CPNE8: variants seen among roughly 807,000 people sequenced by gnomAD.
The protein encoded by CPNE8 is copine-8.
A neutral mutation model predicts 81.5 loss-of-function variants in CPNE8; 45 were observed. The ratio of observed to expected loss-of-function variants is 0.55; its 90% CI spans 0.44 to 0.71. CPNE8 has a LOEUF of 0.71. CPNE8 is among the 30% of genes least tolerant of loss of function. The probability of loss-of-function intolerance (pLI) is 0.00; values close to 1 mark genes in which losing one functional copy is unlikely to be tolerated. For missense variants in CPNE8, 594 were observed against 672.1 expected (o/e 0.88, Z 1.28); for synonymous variants, 252 against 226.3 (o/e 1.11, Z -1.02).
At chr12:38,754,436 A>G (rs563521422) in intron 10 of CPNE8, among the ~76,000 whole-genome samples, 1 of 152,260 alleles carries the variant, frequency 6.6e-6, no homozygotes, top group East Asian at 1.9e-4. Context: ...TTAAAAAAAC[A>G]CATTAAATAA....
intron 6 of CPNE8, among the ~76,000 whole-genome samples, chr12:38,806,698 AG>A (rs1323346006): frequency 7.1e-6 from 1 of 140,294 alleles, no homozygotes; most frequent in Non-Finnish European, 1.6e-5. Flanking sequence ...GGCACAAGAC[AG>A]GGATGCCCTC....
chr12:38,797,474 C>T (rs1019812575), intron 6 of CPNE8, among the ~76,000 whole-genome samples: 13 of 152,182 alleles, frequency 8.5e-5, no homozygotes, highest in African/African-American at 2.2e-4. Flanking sequence ...TCCAACAGAC[C>T]TGCAGCTGAG....
At chr12:38,722,696 G>A (rs1479860168) in intron 13 of CPNE8, among the ~76,000 whole-genome samples, 2 of 152,210 alleles carry the variant, frequency 1.3e-5, no homozygotes, top group African/African-American at 4.8e-5. Flanking sequence ...AATAGAATGT[G>A]TAGACATTTT....
At chr12:38,689,094 T>A (rs1048609336) in intron 15 of CPNE8, among the ~76,000 whole-genome samples, 11 of 152,326 alleles carry the variant, frequency 7.2e-5, no homozygotes, top group Admixed American at 1.3e-4. Flanking sequence ...CAGGATTTTT[T>A]AAAAAATAAG....
chr12:38,829,922 C>G (rs1016153693), intron 5 of CPNE8, among the ~76,000 whole-genome samples: 1 of 152,150 alleles, frequency 6.6e-6, no homozygotes, highest in African/African-American at 2.4e-5. Flanking sequence ...GGTGTCTATT[C>G]TAGTACTACC....
intron 1 of CPNE8, among the ~76,000 whole-genome samples, chr12:38,878,490 C>A (rs1944099422): frequency 6.6e-6 from 1 of 152,246 alleles, no homozygotes; most frequent in African/African-American, 2.4e-5. Context: ...TTGAGAACAG[C>A]CTGCCTTCTC....
chr12:38,811,684 G>T lies in CPNE8; in HGVS notation c.407+17695C>A, dbSNP rs560575269. On this transcript the variant is annotated intron_variant, in intron 6 of 19. Transcript: ENST00000331366. Reference sequence around the variant, plus strand: ...AGCCTAGTCAACATAGTGAGAATATGTCTCTACAAGAAACAAACAAACAAA... The same window carrying T: ...AGCCTAGTCAACATAGTGAGAATATTTCTCTACAAGAAACAAACAAACAAA... Among the ~76,000 whole-genome samples the T allele has an allele frequency of 6.6e-5, 10 of 152,130 alleles. No homozygotes were observed. In the South Asian group the frequency reaches 1.4e-3, roughly 22 times the overall value.
At chr12:38,855,625 A>G (rs1943718565) in intron 3 of CPNE8, among the ~76,000 whole-genome samples, 1 of 152,126 alleles carries the variant, frequency 6.6e-6, no homozygotes, top group African/African-American at 2.4e-5. Context: ...AATTTCAGTT[A>G]GACAGGAGGA....
chr12:38,730,524 T>C (rs926330148), intron 10 of CPNE8, among the ~76,000 whole-genome samples, 166 bp from the exon 11 acceptor site: 3 of 151,762 alleles, frequency 2.0e-5, no homozygotes, highest in East Asian at 1.9e-4. Context: ...CATAATTACA[T>C]TGTTCATTAA....
At chr12:38,688,467 G>C (rs1193878452) in intron 15 of CPNE8, among the ~76,000 whole-genome samples, 3 of 152,118 alleles carry the variant, frequency 2.0e-5, no homozygotes, top group Non-Finnish European at 4.4e-5. Flanking sequence ...TAATAAGAAA[G>C]TTGTAATGAG....
chr12:38,880,063 A>G (rs1944129265), intron 1 of CPNE8, among the ~76,000 whole-genome samples: 1 of 152,230 alleles, frequency 6.6e-6, no homozygotes, highest in Admixed American at 6.5e-5. Flanking sequence ...TATAGGGACA[A>G]AAATACAGTT....
At chr12:38,809,198 A>C (rs1592111187) in intron 6 of CPNE8, among the ~76,000 whole-genome samples, 1 of 152,188 alleles carries the variant, frequency 6.6e-6, no homozygotes, top group East Asian at 1.9e-4. Context: ...CTCAGCTGGG[A>C]ATTCTGCTTA....
chr12:38,831,217 T>TA (rs1167087477), intron 5 of CPNE8, among the ~76,000 whole-genome samples: 2 of 151,826 alleles, frequency 1.3e-5, no homozygotes, highest in East Asian at 3.9e-4. Context: ...AGGACTCAAG[T>TA]AAAAAGCAGA....
intron 10 of CPNE8, among the ~76,000 whole-genome samples, chr12:38,748,338 T>C (rs1488534834): frequency 6.6e-6 from 1 of 152,128 alleles, no homozygotes; most frequent in Admixed American, 6.5e-5. Flanking sequence ...TACATAATAT[T>C]CCTTTTGATG....
At chr12:38,781,441 T>C (rs983884649) in intron 6 of CPNE8, among the ~76,000 whole-genome samples, 2 of 151,992 alleles carry the variant, frequency 1.3e-5, no homozygotes, top group East Asian at 1.9e-4. Context: ...AAGAAAAGAA[T>C]GGAAAGATAT....
intron 4 of CPNE8, among the ~76,000 whole-genome samples, chr12:38,847,719 G>C (rs1943581375): frequency 6.6e-6 from 1 of 152,054 alleles, no homozygotes; most frequent in South Asian, 2.1e-4. Flanking sequence ...GTAAAGAGCT[G>C]TTATTTTTTA....
chr12:38,730,560 T>G (rs1294814802), intron 10 of CPNE8, among the ~76,000 whole-genome samples: 1 of 151,676 alleles, frequency 6.6e-6, no homozygotes, highest in Non-Finnish European at 1.5e-5. Context: ...GCCGGACAAT[T>G]TCATTAATAT....
chr12:38,770,754 G>A (rs1941784544), intron 7 of CPNE8, among the ~76,000 whole-genome samples: 1 of 152,072 alleles, frequency 6.6e-6, no homozygotes, highest in South Asian at 2.1e-4. Flanking sequence ...ACCTTATACA[G>A]CTGTGTCTGC....
At chr12:38,787,763 T>A (rs1190299504) in intron 6 of CPNE8, among the ~76,000 whole-genome samples, 1 of 151,274 alleles carries the variant, frequency 6.6e-6, no homozygotes, top group African/African-American at 2.4e-5. Flanking sequence ...AGACAAGACA[T>A]TACAACTGAT....
Sources: gnomAD v4.1 joint callset for allele counts (sites outside exome capture counted in the v4.1 genomes callset) on GRCh38, gnomAD v4.1.1 for gene constraint, MANE v1.5 for transcripts, NCBI Gene and HGNC (gene_info 2026-07-23, HGNC 2026-07-21) for gene names.